The following SPRY3 variants were observed in gnomAD, a reference collection of about 807,000 sequenced individuals.
SPRY3 encodes the protein sprouty RTK signaling antagonist 3.
SPRY3 carries 15 observed loss-of-function variants against 20.2 expected under a neutral mutation model. The ratio of observed to expected loss-of-function variants is 0.74; its 90% CI spans 0.50 to 1.14. SPRY3 has a LOEUF of 1.14. SPRY3 is among the 50% of genes most tolerant of loss of function. The pLI is 0.00. For synonymous variants in SPRY3, 143 were observed against 136.5 expected (o/e 1.05, Z -0.33); for missense variants, 364 against 363.9 (o/e 1.00, Z 0.00).
At chrX:155,681,141 C>T (rs147364233) in intron 2 of SPRY3, among the ~76,000 whole-genome samples, 5,330 of 111,224 alleles carry the variant, frequency 0.048, 156 homozygotes, top group East Asian at 0.21. Flanking sequence ...ATTGTACTCC[C>T]ATAATTTCTA....
chrX:155,773,539 T>C (rs1448032991), intron 3 of SPRY3, among the ~76,000 whole-genome samples: 1 of 151,936 alleles, frequency 6.6e-6, no homozygotes, highest in Non-Finnish European at 1.5e-5. Flanking sequence ...ACAAAAAGAA[T>C]CAACTATCTG....
At chrX:155,653,018 T>C (rs1420528459) in intron 1 of SPRY3, among the ~76,000 whole-genome samples, 3 of 111,900 alleles carry the variant, frequency 2.7e-5, no homozygotes, top group Non-Finnish European at 3.8e-5. Context: ...ATATCTCCTT[T>C]AGAGAAATGT....
rs140802795 is a variant in SPRY3 at position 155,615,261 on chromosome X, G to T, written c.-441+2614G>T. Among the ~76,000 whole-genome samples the T allele has an allele frequency of 1.1e-4, 12 of 112,781 alleles. No homozygotes were observed. The East Asian group carries it at 3.3e-3, about 31-fold the overall frequency. On this transcript the variant is annotated intron_variant, in intron 1 of 3. Transcript: ENST00000675360. The stretch of plus-strand genomic sequence containing the variant: ...CAATAATTTTTAGACTCTTGCTCTA[G>T]GCCAAATTATCACCATCTCTTGCAT...
At chrX:155,718,000 A>G (rs1184804856) in intron 2 of SPRY3, among the ~76,000 whole-genome samples, 1 of 152,160 alleles carries the variant, frequency 6.6e-6, no homozygotes, top group Non-Finnish European at 1.5e-5. Context: ...TATCATAGTA[A>G]AACTACCATG....
At position 155,774,901 on chromosome X, in the gene SPRY3, G is replaced by A. The variant is rs189472870; in HGVS notation, c.*163G>A. 9.3e-5 allele frequency: 71 copies of A among 765,438 alleles called. 1 individual carries two copies. The East Asian group carries it at 1.6e-3, about 18-fold the overall frequency. The allele number at this position is 765,438 out of a possible 1,614,324, so 47.4% of individuals were successfully genotyped here. ...AATGACCAAGTACATCCTGGTGCAG[G>A]ATGCCTTGTTCTTTCTCACAGTATC... is the stretch of plus-strand genomic sequence containing the variant. On this transcript the variant is annotated 3_prime_UTR_variant, in exon 4 of 4. Coordinates refer to ENST00000675360, the Ensembl canonical transcript of SPRY3.
At position 155,767,746 on chromosome X, in the gene SPRY3, G is replaced by GAGGAGAAAGAGGAGGAGT. The variant is rs1556229599; in HGVS notation, c.-281-211_-281-210insAAAGAGGAGGAGTAGGAG. The GAGGAGAAAGAGGAGGAGT allele has an allele frequency of 5.7e-3, 816 of 142,372 alleles. 15 individuals carry two copies. Among genetic ancestry groups the GAGGAGAAAGAGGAGGAGT allele is most frequent in the Non-Finnish European group, 9.3e-3 (607 of 64,926 alleles). 8.8% of individuals were successfully genotyped at this position (142,372 alleles called of 1,614,324 possible). A position where few individuals can be genotyped will look rare whatever the true frequency, so the allele number is the denominator to read the frequency against. On this transcript the variant is annotated intron_variant, in intron 2 of 3. Coordinates refer to ENST00000675360, the Ensembl canonical transcript of SPRY3. ...AGAGGAGGAGGAGGAGAGAGAGGAG[G>GAGGAGAAAGAGGAGGAGT]AGGAGGAGAGAGAGGAGGAGGAGGA...
downstream of SPRY3, chrX:155,778,374 A>G (rs938004100): frequency 6.0e-6 from 1 of 167,102 alleles, no homozygotes; most frequent in Non-Finnish European, 1.5e-5. Context: ...TGGTGACATT[A>G]CAAACTTTTC....
intron 2 of SPRY3, among the ~76,000 whole-genome samples, chrX:155,721,578 C>G (rs2091058276): frequency 6.6e-6 from 1 of 151,854 alleles, no homozygotes; most frequent in South Asian, 2.1e-4. Flanking sequence ...GAATAACATA[C>G]TATGGAGCTC....
chrX:155,750,320 G>A (rs948201439), intron 2 of SPRY3, among the ~76,000 whole-genome samples: 40 of 151,770 alleles, frequency 2.6e-4, no homozygotes, highest in African/African-American at 8.9e-4. Flanking sequence ...ACTAACTGTT[G>A]GGTACTATGC....
chrX:155,771,619 C>T (rs886522693), intron 3 of SPRY3, among the ~76,000 whole-genome samples: 4 of 152,130 alleles, frequency 2.6e-5, no homozygotes, highest in African/African-American at 7.2e-5. Context: ...AAAGACTCCT[C>T]CCAGTCCCAA....
chrX:155,648,260 T>G (rs1490075114), intron 1 of SPRY3, among the ~76,000 whole-genome samples: 2 of 112,711 alleles, frequency 1.8e-5, no homozygotes, highest in Non-Finnish European at 3.8e-5. Context: ...GCTGGTTCAC[T>G]CTGATGATAG....
chrX:155,718,896 T>C (rs1184446586), intron 2 of SPRY3, among the ~76,000 whole-genome samples: 1 of 151,924 alleles, frequency 6.6e-6, no homozygotes, highest in Non-Finnish European at 1.5e-5. Flanking sequence ...GCAATGAGGA[T>C]TTCTAGGAGC....
chrX:155,728,213 T>C (rs2091112102), intron 2 of SPRY3, among the ~76,000 whole-genome samples: 1 of 152,176 alleles, frequency 6.6e-6, no homozygotes, highest in Non-Finnish European at 1.5e-5. Flanking sequence ...CACCTGCCTG[T>C]ATGAAGTGTC....
At chrX:155,714,289 A>G (rs1169206151) in intron 2 of SPRY3, among the ~76,000 whole-genome samples, 1 of 152,072 alleles carries the variant, frequency 6.6e-6, no homozygotes, top group African/African-American at 2.4e-5. Context: ...TGAGTGTTGA[A>G]GTGTTAGGCA....
At chrX:155,737,991 C>T (rs1031889878) in intron 2 of SPRY3, among the ~76,000 whole-genome samples, 6 of 152,016 alleles carry the variant, frequency 3.9e-5, no homozygotes, top group African/African-American at 1.4e-4. Flanking sequence ...TGAATGCACT[C>T]ACCTTTAAAA....
At chrX:155,680,114 G>C (rs1249604423) in intron 2 of SPRY3, among the ~76,000 whole-genome samples, 3 of 104,466 alleles carry the variant, frequency 2.9e-5, no homozygotes, top group African/African-American at 1.1e-4. Flanking sequence ...GCAATGAGGA[G>C]CCACTGAAAG....
intron 2 of SPRY3, among the ~76,000 whole-genome samples, chrX:155,764,402 A>G (rs2091316382): frequency 6.6e-6 from 1 of 152,244 alleles, no homozygotes; most frequent in African/African-American, 2.4e-5. Context: ...ATGTCTCAAC[A>G]TCAAATTTCT....
rs61115275 is a variant in SPRY3 at position 155,766,874 on chromosome X, C to A, written c.-281-1088C>A. Among the ~76,000 whole-genome samples, 16 of 152,200 alleles carry A rather than the reference C, an allele frequency of 1.1e-4. No homozygotes were observed. The East Asian group carries it at 2.5e-3, about 24-fold the overall frequency. On this transcript the variant is annotated intron_variant, in intron 2 of 3. Coordinates refer to ENST00000675360, the Ensembl canonical transcript of SPRY3. ...GAAAGTAGGTTGGGTAATGGTTTCCCAGTGGCAATGGATGGGCTGAAAAAG... is the reference window on the plus strand; with the variant it reads ...GAAAGTAGGTTGGGTAATGGTTTCCAAGTGGCAATGGATGGGCTGAAAAAG...
At chrX:155,738,259 G>A (rs1339677168) in intron 2 of SPRY3, among the ~76,000 whole-genome samples, 1 of 151,714 alleles carries the variant, frequency 6.6e-6, no homozygotes, top group African/African-American at 2.4e-5. Context: ...ACAAGGTGCA[G>A]ACTGGGAAAA....
Sources: gnomAD v4.1 joint callset for allele counts (sites outside exome capture counted in the v4.1 genomes callset) on GRCh38, gnomAD v4.1.1 for gene constraint, MANE v1.5 for transcripts, NCBI Gene and HGNC (gene_info 2026-07-23, HGNC 2026-07-21) for gene names.